Variants in FAM110B observed in about 807,000 individuals in gnomAD.
FAM110B encodes the protein protein FAM110B.
FAM110B carries 6 observed loss-of-function variants against 20.4 expected under a neutral mutation model. The ratio of observed to expected loss-of-function variants is 0.29; its 90% CI spans 0.16 to 0.58. The LOEUF (loss-of-function observed/expected upper bound fraction) is 0.58, where lower values mean the gene tolerates loss of function less well. Ranked by LOEUF, FAM110B falls within the 20% of genes least tolerant of loss-of-function variation. The probability of loss-of-function intolerance (pLI) is 0.90; values close to 1 mark genes in which losing one functional copy is unlikely to be tolerated. For missense variants in FAM110B, 434 were observed against 498.2 expected, an observed-to-expected ratio of 0.87 and a Z score of 1.23; for synonymous variants, 226 against 214.1, an observed-to-expected ratio of 1.06 and a Z score of -0.49.
chr8:58,038,594 A>G (rs1306272339), intron 2 of FAM110B, among the ~76,000 whole-genome samples: 2 of 152,072 alleles, frequency 1.3e-5, no homozygotes, highest in Non-Finnish European at 2.9e-5. Flanking sequence ...TCTACTAAAA[A>G]CGCAAAAGTT....
At position 58,075,267 on chromosome 8, in the gene FAM110B, T is replaced by TGTGTGTGTGTGTGTGTGTG. The variant is rs1554521043; in HGVS notation, c.-413-268_-413-267insGTGTGTGTGTGTGTGTGTG. Among the ~76,000 whole-genome samples, 1,125 of 134,174 alleles carry TGTGTGTGTGTGTGTGTGTG rather than the reference T, an allele frequency of 8.4e-3. 9 individuals are homozygous for TGTGTGTGTGTGTGTGTGTG. Among genetic ancestry groups the TGTGTGTGTGTGTGTGTGTG allele is most frequent in the South Asian group, 0.03 (138 of 4,550 alleles). The allele number at this position is 134,174 out of a possible 152,430, so 88.0% of individuals were successfully genotyped here. ...CCACACTGAACTAATTTTTGCTTTTTTTTTTTTTTGTGTGTGTGTGTGTGT... is the reference window on the plus strand; with the variant it reads ...CCACACTGAACTAATTTTTGCTTTTTGTGTGTGTGTGTGTGTGTGTTTTTTTTTGTGTGTGTGTGTGTGT... On this transcript the variant is annotated intron_variant, in intron 2 of 3. Coordinates refer to ENST00000519262, the MANE Select transcript of FAM110B (RefSeq NM_001377989.1).
chr8:58,078,702 C>T (rs1585866869), intron 3 of FAM110B, among the ~76,000 whole-genome samples: 1 of 151,934 alleles, frequency 6.6e-6, no homozygotes, highest in Non-Finnish European at 1.5e-5. Context: ...AGGCACCCGC[C>T]ACCACGCCCG....
At chr8:58,080,919 A>G (rs1191372006) in intron 3 of FAM110B, among the ~76,000 whole-genome samples, 1 of 152,120 alleles carries the variant, frequency 6.6e-6, no homozygotes, top group African/African-American at 2.4e-5. Flanking sequence ...TCTCTATGAT[A>G]CATTTAAAAC....
At chr8:58,033,226 G>A (rs778565088) in intron 2 of FAM110B, among the ~76,000 whole-genome samples, 4 of 152,172 alleles carry the variant, frequency 2.6e-5, no homozygotes, top group South Asian at 2.1e-4. Flanking sequence ...TGCAAAGGAC[G>A]TGATTGCATT....
At chr8:58,006,923 A>ATATATATATTTTTTTTTTTTTTT in intron 1 of FAM110B, among the ~76,000 whole-genome samples, 1 of 126,516 alleles carries the variant, frequency 7.9e-6, no homozygotes, top group Non-Finnish European at 1.6e-5. Context: ...ATATATATAT[A>ATATATATATTTTTTTTTTTTTTT]TTTTTCCAAA....
Position 58,146,054 on chromosome 8 carries a change from A to C in FAM110B, c.-177A>C, listed in dbSNP as rs946400824. 5 of 675,242 alleles carry C rather than the reference A, an allele frequency of 7.4e-6. No homozygotes were observed. Among genetic ancestry groups the C allele is most frequent in the African/African-American group, 1.8e-5 (1 of 54,740 alleles). 41.8% of individuals were successfully genotyped at this position (675,242 alleles called of 1,614,324 possible). A position where few individuals can be genotyped will look rare whatever the true frequency, so the allele number is the denominator to read the frequency against. Reference sequence around the variant, plus strand: ...CTGGAAGGGGAGAAAAGTGTATGAAAGCCACCGTGGCGGTTAATGAGCTGT... The same window carrying C: ...CTGGAAGGGGAGAAAAGTGTATGAACGCCACCGTGGCGGTTAATGAGCTGT... On this transcript the variant is annotated 5_prime_UTR_variant, in exon 4 of 4. Transcript: ENST00000519262.
At chr8:58,124,069 G>C (rs541764709) in intron 3 of FAM110B, among the ~76,000 whole-genome samples, 1 of 152,246 alleles carries the variant, frequency 6.6e-6, no homozygotes, top group African/African-American at 2.4e-5. Flanking sequence ...TTCTGTTTCT[G>C]ATTATTTAAT....
At chr8:58,078,643 C>G (rs955135273) in intron 3 of FAM110B, among the ~76,000 whole-genome samples, 3 of 149,454 alleles carry the variant, frequency 2.0e-5, no homozygotes, top group Non-Finnish European at 3.0e-5. Context: ...CTCCGCCTTC[C>G]AGGTTCACGC....
chr8:58,144,262 C>T (rs1397891632), intron 3 of FAM110B, among the ~76,000 whole-genome samples: 2 of 152,194 alleles, frequency 1.3e-5, no homozygotes, highest in Non-Finnish European at 2.9e-5. Flanking sequence ...GGCCCAGGCT[C>T]TGCTGCCTGT....
intron 2 of FAM110B, among the ~76,000 whole-genome samples, chr8:58,041,420 T>C (rs10105394): frequency 0.29 from 43,524 of 152,094 alleles, 6,518 homozygotes; most frequent in Middle Eastern, 0.43. Context: ...AAACATCCAG[T>C]CATGACTATG....
At chr8:58,071,566 C>CT (rs1805897032) in intron 2 of FAM110B, among the ~76,000 whole-genome samples, 1 of 152,182 alleles carries the variant, frequency 6.6e-6, no homozygotes, top group Admixed American at 6.5e-5. Flanking sequence ...GGGTTCTGTA[C>CT]TTTCTTTGAC....
intron 1 of FAM110B, among the ~76,000 whole-genome samples, chr8:57,995,881 G>A: frequency 6.6e-6 from 1 of 152,166 alleles, no homozygotes; most frequent in East Asian, 1.9e-4. Context: ...TTGCACTTCT[G>A]GCGTAACTGG....
At chr8:58,069,978 G>C (rs1228363523) in intron 2 of FAM110B, among the ~76,000 whole-genome samples, 1 of 152,174 alleles carries the variant, frequency 6.6e-6, no homozygotes, top group Non-Finnish European at 1.5e-5. Context: ...AGGAAATCGA[G>C]ATGATTTTGT....
chr8:58,064,136 G>C (rs939698654), intron 2 of FAM110B, among the ~76,000 whole-genome samples: 3 of 152,150 alleles, frequency 2.0e-5, no homozygotes, highest in Non-Finnish European at 1.5e-5. Flanking sequence ...TGATGGTACT[G>C]AACCATTCAT....
chr8:57,994,544 G>T lies in FAM110B; in HGVS notation c.-774G>T, dbSNP rs971506129. The T allele has an allele frequency of 6.6e-6, 1 of 152,472 alleles. No individual in the cohort carries two copies. Among genetic ancestry groups the T allele is most frequent in the East Asian group, 1.9e-4 (1 of 5,164 alleles). The allele number at this position is 152,472 out of a possible 1,614,324, so 9.4% of individuals were successfully genotyped here. A position where few individuals can be genotyped will look rare whatever the true frequency, so the allele number is the denominator to read the frequency against. On this transcript the variant is annotated 5_prime_UTR_variant, in exon 1 of 4. Coordinates refer to ENST00000519262, the MANE Select transcript of FAM110B (RefSeq NM_001377989.1). ...CCTCACTCTCCGGCGAAGCCTGCCT[G>T]AGCCCTCCCACTCGGTGCAGACCGA...
At chr8:58,060,591 A>G (rs1393497445) in intron 2 of FAM110B, among the ~76,000 whole-genome samples, 3 of 152,098 alleles carry the variant, frequency 2.0e-5, no homozygotes, top group Non-Finnish European at 4.4e-5. Context: ...TTGCTCCCTA[A>G]CATCTTCCCC....
At chr8:58,057,058 G>A (rs759602490) in intron 2 of FAM110B, among the ~76,000 whole-genome samples, 12 of 152,236 alleles carry the variant, frequency 7.9e-5, no homozygotes, top group Non-Finnish European at 1.6e-4. Context: ...ATGGCATTAA[G>A]TGCTGCAGAG....
In FAM110B at chr8:58,033,475, A is replaced by G. The variant is rs374979436; in HGVS notation, c.-414+1772A>G. On this transcript the variant is annotated intron_variant, in intron 2 of 3. Transcript: ENST00000519262. ...AAGTTCTTTGAGAAGTCTCCAAACT[A>G]CTTTCACAGTGTCTAAACTAATTTA... 3.3e-5 allele frequency among the ~76,000 whole-genome samples: 5 copies of G among 152,204 alleles called. No homozygotes were observed. In the East Asian group the frequency reaches 7.7e-4, roughly 23 times the overall value.
intron 1 of FAM110B, among the ~76,000 whole-genome samples, chr8:58,010,514 G>C (rs1795526919): frequency 6.6e-6 from 1 of 152,170 alleles, no homozygotes; most frequent in South Asian, 2.1e-4. Context: ...GTGATCTGGG[G>C]CTCATTCATT....
Sources: allele counts gnomAD v4.1 joint callset (sites outside exome capture counted in the v4.1 genomes callset), GRCh38; gene constraint gnomAD v4.1.1; transcripts MANE v1.5; gene names NCBI Gene and HGNC (gene_info 2026-07-23, HGNC 2026-07-21).